CACNA1C: variants seen among roughly 807,000 people sequenced by gnomAD.
CACNA1C encodes calcium voltage-gated channel subunit alpha1 C, also known as voltage-dependent L-type calcium channel subunit alpha-1C.
CACNA1C carries 30 observed loss-of-function variants against 229.0 expected under a neutral mutation model. The observed-to-expected ratio is 0.13, with a 90% confidence interval of 0.10 to 0.18. The LOEUF (loss-of-function observed/expected upper bound fraction) is 0.18, where lower values mean the gene tolerates loss of function less well. Among genes scored for constraint, CACNA1C ranks in the 10% least tolerant of loss-of-function variants. The pLI is 1.00. For synonymous variants in CACNA1C, 1,114 were observed against 1,132.5 expected, an observed-to-expected ratio of 0.98 and a Z score of 0.33; for missense variants, 1,658 against 2,845.0, an observed-to-expected ratio of 0.58 and a Z score of 9.49.
intron 3 of CACNA1C, among the ~76,000 whole-genome samples, chr12:2,303,779 G>A (rs992818482): frequency 2.0e-5 from 3 of 152,154 alleles, no homozygotes; most frequent in South Asian, 4.1e-4. Context: ...AGTGGGCGCC[G>A]GGTGGAACTC....
intron 1 of CACNA1C, among the ~76,000 whole-genome samples, chr12:2,088,644 T>C (rs181204190): frequency 3.3e-5 from 5 of 152,310 alleles, no homozygotes; most frequent in Admixed American, 3.3e-4. Context: ...AAAGATGCTT[T>C]GCCTCAGATG....
upstream of CACNA1C, among the ~76,000 whole-genome samples, chr12:2,052,599 G>A (rs962100157): frequency 1.4e-5 from 2 of 144,726 alleles, no homozygotes; most frequent in African/African-American, 5.0e-5. Context: ...GGGCGCGAGG[G>A]GGTGTGTCCG....
intron 3 of CACNA1C, among the ~76,000 whole-genome samples, chr12:2,378,634 C>T (rs552443990): frequency 2.0e-5 from 3 of 152,344 alleles, no homozygotes; most frequent in African/African-American, 7.2e-5. Context: ...GTATTGTCAT[C>T]ATGGCCTGGC....
chr12:2,674,049 G>A (rs1219514941), intron 38 of CACNA1C, among the ~76,000 whole-genome samples: 1 of 152,264 alleles, frequency 6.6e-6, no homozygotes, highest in Non-Finnish European at 1.5e-5. Context: ...ACTCGGGACA[G>A]AGCCCTCATC....
At chr12:2,245,452 C>T (rs1176690045) in intron 3 of CACNA1C, among the ~76,000 whole-genome samples, 4 of 152,188 alleles carry the variant, frequency 2.6e-5, no homozygotes, top group Non-Finnish European at 4.4e-5. Flanking sequence ...CTCTCCTTGC[C>T]GGGAGAGTGT....
At position 2,677,232 on chromosome 12, in the gene CACNA1C, G is replaced by A. The variant is rs780743210; in HGVS notation, c.4956+11G>A. 6.2e-7 allele frequency: 1 copy of A among 1,612,624 alleles called. No homozygotes were observed. The stretch of plus-strand genomic sequence containing the variant: ...GCGCTGTCTCTGCAGGTGAGGGCCT[G>A]GGGGCGGGCCCACACTCCAGGAAGG... On this transcript the variant is annotated intron_variant, in intron 40 of 46. Transcript: ENST00000399655. The surrounding 1 kb of genome is among the most constrained non-coding windows in gnomAD (Gnocchi z 7.4).
chr12:2,344,740 A>G (rs761948504), intron 3 of CACNA1C, among the ~76,000 whole-genome samples: 1 of 151,908 alleles, frequency 6.6e-6, no homozygotes, highest in Non-Finnish European at 1.5e-5. Flanking sequence ...CACTTGCCCA[A>G]TGCCCCATGT....
chr12:2,553,864 A>G (rs966899842), intron 10 of CACNA1C, among the ~76,000 whole-genome samples: 2 of 152,250 alleles, frequency 1.3e-5, no homozygotes, highest in Non-Finnish European at 2.9e-5. Context: ...ATCTGAGCTC[A>G]GCACCCAGGA....
chr12:2,365,479 C>T (rs909030636), intron 3 of CACNA1C, among the ~76,000 whole-genome samples: 2 of 152,114 alleles, frequency 1.3e-5, no homozygotes, highest in African/African-American at 4.8e-5. Context: ...AACACTGGCC[C>T]AAAAATGCAG....
intron 28 of CACNA1C, 68 bp from the exon 29 acceptor site, chr12:2,611,835 G>A: frequency 1.0e-6 from 1 of 1,000,958 alleles, no homozygotes; most frequent in Non-Finnish European, 1.6e-6. Context: ...AGAAGGCTGG[G>A]CAAAAGGTGG....
At chr12:2,454,182 G>A (rs538448439) in intron 4 of CACNA1C, among the ~76,000 whole-genome samples, 23 of 152,238 alleles carry the variant, frequency 1.5e-4, no homozygotes, top group East Asian at 5.8e-4. Context: ...TTGAGGACAA[G>A]GGCTCTTGGT....
intron 1 of CACNA1C, among the ~76,000 whole-genome samples, chr12:2,046,352 G>A (rs1173258189): frequency 1.3e-5 from 2 of 152,168 alleles, no homozygotes; most frequent in Non-Finnish European, 2.9e-5. Flanking sequence ...AACAAGTAAT[G>A]AAGGTACAGC....
Position 2,353,442 on chromosome 12 carries a change from C to T in CACNA1C, c.478-95534C>T, listed in dbSNP as rs117335873. On this transcript the variant is annotated intron_variant, in intron 3 of 46. Coordinates refer to ENST00000399655, the MANE Select transcript of CACNA1C (RefSeq NM_000719.7). ...TGCCTTGGAAGACTGTCCTAACAGGCGGCGCTGCCGCGCTCAGCACCTGGG... is the reference window on the plus strand; with the variant it reads ...TGCCTTGGAAGACTGTCCTAACAGGTGGCGCTGCCGCGCTCAGCACCTGGG... 3.3e-3 allele frequency among the ~76,000 whole-genome samples: 509 copies of T among 152,342 alleles called. 3 individuals carry two copies. The highest frequency in any genetic ancestry group is 5.1e-3 in the Non-Finnish European group (346 of 68,026).
At chr12:2,058,403 C>T (rs1254755386) in intron 1 of CACNA1C, among the ~76,000 whole-genome samples, 1 of 152,168 alleles carries the variant, frequency 6.6e-6, no homozygotes, top group African/African-American at 2.4e-5. Context: ...GTTTGCGAAA[C>T]ACCTGGAGAC....
chr12:2,550,930 C>A (rs1034934), intron 10 of CACNA1C, among the ~76,000 whole-genome samples: 2 of 152,224 alleles, frequency 1.3e-5, no homozygotes, highest in Admixed American at 1.3e-4. Context: ...CACTCTGACA[C>A]TGGCACCAGG....
intron 3 of CACNA1C, among the ~76,000 whole-genome samples, chr12:2,251,991 G>C (rs981672545): frequency 6.6e-6 from 1 of 152,248 alleles, no homozygotes; most frequent in African/African-American, 2.4e-5. Context: ...AAAGTGGCTG[G>C]CCACATAAAA....
chr12:2,360,156 A>ACCCCCCCCC (rs796441635), intron 3 of CACNA1C, among the ~76,000 whole-genome samples: 20 of 57,012 alleles, frequency 3.5e-4, no homozygotes, highest in East Asian at 7.0e-4. Context: ...AACACACCCC[A>ACCCCCCCCC]CCCCCCCCCA....
intron 3 of CACNA1C, among the ~76,000 whole-genome samples, chr12:2,185,990 C>T (rs79398153): frequency 0.017 from 2,558 of 152,272 alleles, 37 homozygotes; most frequent in Admixed American, 0.035. Context: ...AGCCAGGGCA[C>T]GGATCGTTTC....
At chr12:2,423,056 A>G (rs920152607) in intron 3 of CACNA1C, among the ~76,000 whole-genome samples, 5 of 152,110 alleles carry the variant, frequency 3.3e-5, no homozygotes, top group Non-Finnish European at 7.4e-5. Context: ...CTCCGATGTC[A>G]TCTAGCATGA....
Sources: gnomAD v4.1 joint callset for allele counts (sites outside exome capture counted in the v4.1 genomes callset) on GRCh38, gnomAD v4.1.1 for gene constraint, Gnocchi (gnomAD v3.1) non-coding constraint, MANE v1.5 for transcripts, NCBI Gene and HGNC (gene_info 2026-07-23, HGNC 2026-07-21) for gene names.